The following LPAR3 variants were observed in gnomAD, a reference collection of about 807,000 sequenced individuals.
LPAR3 encodes LPA receptor 3.
A neutral mutation model predicts 17.8 loss-of-function variants in LPAR3; 7 were observed. The observed-to-expected ratio is 0.39, with a 90% CI of 0.22 to 0.74. The LOEUF is 0.74. Among genes scored for constraint, LPAR3 ranks in the 30% least tolerant of loss-of-function variants. LPAR3 has a pLI of 0.40. For synonymous variants in LPAR3, 179 were observed against 179.9 expected (o/e 0.99, Z 0.04); for missense variants, 391 against 453.4 (o/e 0.86, Z 1.25).
intron 2 of LPAR3, among the ~76,000 whole-genome samples, chr1:84,862,368 C>T (rs976472040): frequency 6.6e-6 from 1 of 152,164 alleles, no homozygotes; most frequent in African/African-American, 2.4e-5. Flanking sequence ...TCACAAGTAG[C>T]CACAGAGTAT....
intron 2 of LPAR3, among the ~76,000 whole-genome samples, chr1:84,850,785 G>A (rs993625970): frequency 6.6e-6 from 1 of 152,234 alleles, no homozygotes; most frequent in Non-Finnish European, 1.5e-5. Context: ...CCAGGACACA[G>A]GAGGCCTGCA....
chr1:84,826,456 T>A (rs1326002), intron 2 of LPAR3, among the ~76,000 whole-genome samples: 44,815 of 151,784 alleles, frequency 0.3, 7,193 homozygotes, highest in East Asian at 0.54. Context: ...AACCATAAAA[T>A]CTTTAAGTCT....
intron 2 of LPAR3, among the ~76,000 whole-genome samples, chr1:84,834,030 A>C (rs1451961822): frequency 6.6e-6 from 1 of 152,204 alleles, no homozygotes; most frequent in Non-Finnish European, 1.5e-5. Context: ...ATTTAGAACA[A>C]AGCTGTCCAG....
intron 1 of LPAR3, among the ~76,000 whole-genome samples, chr1:84,873,755 TTTG>T: frequency 9.0e-6 from 1 of 110,982 alleles, no homozygotes; most frequent in South Asian, 2.5e-4. Flanking sequence ...GTTTTGCTTG[TTTG>T]TTTTTTTTTT....
In LPAR3 at chr1:84,839,579, G is replaced by A. The variant is rs116133418; in HGVS notation, c.737-25408C>T. ...CTAGCTACTTGAGAAGTTGAGGTGGGAGGATCACTTGAGCCCAGTAGTTCA... is the reference window on the plus strand; with the variant it reads ...CTAGCTACTTGAGAAGTTGAGGTGGAAGGATCACTTGAGCCCAGTAGTTCA... On this transcript the variant is annotated intron_variant, in intron 2 of 2. Coordinates refer to ENST00000370611, the MANE Select transcript of LPAR3 (RefSeq NM_012152.3). 5.1e-3 allele frequency among the ~76,000 whole-genome samples: 782 copies of A among 152,226 alleles called. 3 individuals carry two copies. The highest frequency in any genetic ancestry group is 0.01 in the Middle Eastern group (3 of 294).
chr1:84,872,241 C>T (rs549027218), intron 1 of LPAR3, among the ~76,000 whole-genome samples: 1 of 152,162 alleles, frequency 6.6e-6, no homozygotes, highest in Non-Finnish European at 1.5e-5. Context: ...CTAACCTTTA[C>T]CCAAATTCAG....
At chr1:84,845,991 AG>A (rs1414234104) in intron 2 of LPAR3, among the ~76,000 whole-genome samples, 1 of 152,198 alleles carries the variant, frequency 6.6e-6, no homozygotes, top group Non-Finnish European at 1.5e-5. Flanking sequence ...CTCTTAGCAA[AG>A]CCTCATATAA....
intron 1 of LPAR3, among the ~76,000 whole-genome samples, chr1:84,892,214 A>AAAATAAAT (rs71097866): frequency 0.032 from 4,400 of 135,550 alleles, 67 homozygotes; most frequent in Middle Eastern, 0.045. Flanking sequence ...CTGTGTCTCA[A>AAAATAAAT]AAATAAATAA....
At position 84,823,933 on chromosome 1, in the gene LPAR3, C is replaced by G. The variant is rs141164403; in HGVS notation, c.737-9762G>C. Among the ~76,000 whole-genome samples, 92 of 152,310 alleles carry G rather than the reference C, an allele frequency of 6.0e-4. 1 individual carries two copies. Among genetic ancestry groups the G allele is most frequent in the African/African-American group, 2.1e-3 (87 of 41,564 alleles). ...CTAACCTTCCCAAGGATTGGACATT[C>G]TTCCTGCTGAAGTCACTCCTTTGGA... is the stretch of plus-strand genomic sequence containing the variant. On this transcript the variant is annotated intron_variant, in intron 2 of 2. Transcript: ENST00000370611.
At chr1:84,831,878 TA>T (rs1387932659) in intron 2 of LPAR3, among the ~76,000 whole-genome samples, 1 of 149,874 alleles carries the variant, frequency 6.7e-6, no homozygotes, top group Non-Finnish European at 1.5e-5. Flanking sequence ...ATGATATACA[TA>T]TATATATATA....
At chr1:84,845,599 T>G (rs1319227993) in intron 2 of LPAR3, among the ~76,000 whole-genome samples, 1 of 152,200 alleles carries the variant, frequency 6.6e-6, no homozygotes, top group Admixed American at 6.5e-5. Context: ...GTATGTTTCT[T>G]ATCCTGCACT....
At chr1:84,889,282 A>C (rs565944400) in intron 1 of LPAR3, among the ~76,000 whole-genome samples, 1 of 152,138 alleles carries the variant, frequency 6.6e-6, no homozygotes, top group East Asian at 1.9e-4. Flanking sequence ...AATTAGCTTA[A>C]TTTGGGGGTG....
chr1:84,827,449 G>A (rs1184530845), intron 2 of LPAR3, among the ~76,000 whole-genome samples: 1 of 150,962 alleles, frequency 6.6e-6, no homozygotes, highest in African/African-American at 2.5e-5. Context: ...GATAACCAAA[G>A]CTTAAAAACC....
At chr1:84,875,994 C>A (rs1660249317) in intron 1 of LPAR3, among the ~76,000 whole-genome samples, 1 of 152,148 alleles carries the variant, frequency 6.6e-6, no homozygotes, top group South Asian at 2.1e-4. Context: ...TCAAACTCTA[C>A]ATAGGAAGGA....
At chr1:84,872,613 TG>T (rs944053301) in intron 1 of LPAR3, among the ~76,000 whole-genome samples, 2 of 152,048 alleles carry the variant, frequency 1.3e-5, no homozygotes, top group African/African-American at 4.8e-5. Flanking sequence ...AATAAATTAT[TG>T]AAAAAAATAA....
At chr1:84,884,873 C>G (rs887935594) in intron 1 of LPAR3, among the ~76,000 whole-genome samples, 5 of 152,208 alleles carry the variant, frequency 3.3e-5, no homozygotes, top group African/African-American at 1.2e-4. Flanking sequence ...TGCATACTTG[C>G]AGTGAACAAG....
rs139706996 is a variant in LPAR3, at chr1:84,890,967, C to T, written c.-19+2049G>A. Among the ~76,000 whole-genome samples the T allele has an allele frequency of 1.6e-3, 241 of 152,206 alleles. 1 individual carries two copies. Among genetic ancestry groups the T allele is most frequent in the African/African-American group, 5.7e-3 (235 of 41,528 alleles). Reference sequence around the variant, plus strand: ...GTGTGTGCATTTCTTCCACTGTGCACGTGTGTTTCTGAAAAATGAGATGGA... The same window carrying T: ...GTGTGTGCATTTCTTCCACTGTGCATGTGTGTTTCTGAAAAATGAGATGGA... On this transcript the variant is annotated intron_variant, in intron 1 of 2. Transcript: ENST00000370611.
chr1:84,866,627 C>T (rs549214382), intron 1 of LPAR3, among the ~76,000 whole-genome samples: 13 of 152,288 alleles, frequency 8.5e-5, no homozygotes, highest in South Asian at 2.1e-4. Flanking sequence ...CATTAATCAA[C>T]GGCAGGTTGG....
intron 1 of LPAR3, among the ~76,000 whole-genome samples, chr1:84,886,708 T>C (rs1049671551): frequency 6.6e-5 from 10 of 152,206 alleles, no homozygotes; most frequent in Non-Finnish European, 1.3e-4. Flanking sequence ...TCATGTTGTA[T>C]GCCTTAAATA....
Sources: gnomAD v4.1 joint callset for allele counts (sites outside exome capture counted in the v4.1 genomes callset) on GRCh38, gnomAD v4.1.1 for gene constraint, MANE v1.5 for transcripts, NCBI Gene and HGNC (gene_info 2026-07-23, HGNC 2026-07-21) for gene names.